Variants in KHDRBS2 observed in about 807,000 individuals in gnomAD.
KHDRBS2 encodes KH RNA binding domain containing, signal transduction associated 2.
KHDRBS2 carries 26 observed loss-of-function variants against 44.3 expected under a neutral mutation model. The ratio of observed to expected loss-of-function variants is 0.59; its 90% CI spans 0.43 to 0.81. The LOEUF is 0.81. Among genes scored for constraint, KHDRBS2 ranks in the 40% least tolerant of loss-of-function variants. KHDRBS2 has a pLI of 0.00. For missense variants in KHDRBS2, 476 were observed against 433.1 expected, an observed-to-expected ratio of 1.10 and a Z score of -0.88; for synonymous variants, 194 against 151.1, an observed-to-expected ratio of 1.28 and a Z score of -2.08.
At chr6:62,059,132 A>C (rs969262847) in intron 2 of KHDRBS2, among the ~76,000 whole-genome samples, 1 of 148,994 alleles carries the variant, frequency 6.7e-6, no homozygotes, top group African/African-American at 2.4e-5. Context: ...CCATAGAAGC[A>C]GTACAGATTA....
intron 2 of KHDRBS2, among the ~76,000 whole-genome samples, chr6:62,105,921 A>G (rs918057959): frequency 3.3e-5 from 5 of 152,292 alleles, no homozygotes; most frequent in African/African-American, 7.2e-5. Flanking sequence ...ATTTAGTGCT[A>G]TAAATTTCCC....
At chr6:62,059,203 T>TTTTTTTTG (rs1791060758) in intron 2 of KHDRBS2, among the ~76,000 whole-genome samples, 1 of 99,738 alleles carries the variant, frequency 1.0e-5, no homozygotes, top group Non-Finnish European at 2.0e-5. Flanking sequence ...AGGAAGTTTT[T>TTTTTTTTG]TTTTTTTTTT....
At chr6:61,950,559 A>G (rs1764535072) in intron 4 of KHDRBS2, among the ~76,000 whole-genome samples, 1 of 151,994 alleles carries the variant, frequency 6.6e-6, no homozygotes. Context: ...ATGAAAATGT[A>G]TATTTTCCAT....
intron 2 of KHDRBS2, among the ~76,000 whole-genome samples, chr6:62,159,328 C>T (rs1248621149): frequency 2.0e-5 from 3 of 152,108 alleles, no homozygotes; most frequent in African/African-American, 7.2e-5. Context: ...TATTCTTATA[C>T]TTTAACTCTC....
intron 8 of KHDRBS2, among the ~76,000 whole-genome samples, chr6:61,688,392 G>A (rs142124718): frequency 1.3e-4 from 19 of 151,938 alleles, no homozygotes; most frequent in South Asian, 1.2e-3. Context: ...AAAAGACTGC[G>A]GAATTCAGCT....
intron 6 of KHDRBS2, among the ~76,000 whole-genome samples, chr6:61,768,024 A>T (rs1312237749): frequency 1.3e-5 from 2 of 152,192 alleles, no homozygotes; most frequent in Non-Finnish European, 2.9e-5. Context: ...TTCAGATTGA[A>T]GAACTTCCTT....
chr6:61,732,352 A>G (rs577107281), intron 7 of KHDRBS2, among the ~76,000 whole-genome samples: 1 of 152,122 alleles, frequency 6.6e-6, no homozygotes, highest in South Asian at 2.1e-4. Flanking sequence ...GAAAAAAAAA[A>G]GCTACATTGA....
chr6:62,240,885 G>A (rs1179982539), intron 1 of KHDRBS2, among the ~76,000 whole-genome samples: 1 of 150,924 alleles, frequency 6.6e-6, no homozygotes, highest in Non-Finnish European at 1.5e-5. Flanking sequence ...CACAACTGTT[G>A]ACCTCTATCT....
the KHDRBS2 span, among the ~76,000 whole-genome samples, chr6:61,565,193 A>G: frequency 3.9e-5 from 6 of 152,140 alleles, no homozygotes; most frequent in Non-Finnish European, 7.4e-5. Flanking sequence ...CTTAAATGTA[A>G]GACCTGAAAC....
At chr6:61,821,126 C>G (rs1789841389) in intron 6 of KHDRBS2, among the ~76,000 whole-genome samples, 2 of 151,888 alleles carry the variant, frequency 1.3e-5, no homozygotes, top group South Asian at 4.1e-4. Context: ...TCTATGTTTC[C>G]TCATCAATTA....
At chr6:61,745,694 G>A (rs1776759599) in intron 6 of KHDRBS2, among the ~76,000 whole-genome samples, 1 of 152,066 alleles carries the variant, frequency 6.6e-6, no homozygotes, top group South Asian at 2.1e-4. Context: ...TGAATAAAAG[G>A]GCATAGACAT....
intron 4 of KHDRBS2, among the ~76,000 whole-genome samples, chr6:61,948,007 T>C (rs956479850): frequency 6.6e-6 from 1 of 151,130 alleles, no homozygotes; most frequent in African/African-American, 2.4e-5. Flanking sequence ...TGAAGAAAGA[T>C]AACATAAATC....
chr6:61,921,916 C>T (rs578108306), intron 4 of KHDRBS2, among the ~76,000 whole-genome samples: 18 of 152,024 alleles, frequency 1.2e-4, no homozygotes, highest in Admixed American at 5.3e-4. Context: ...TCATATTATA[C>T]GACTATCAAC....
intron 1 of KHDRBS2, among the ~76,000 whole-genome samples, chr6:62,265,320 C>A (rs1014022840): frequency 6.6e-6 from 1 of 151,944 alleles, no homozygotes; most frequent in Non-Finnish European, 1.5e-5. Context: ...GCTAAAAGAG[C>A]AGCTATGTCC....
In KHDRBS2 at chr6:61,680,747, C is replaced by G. The variant is rs191856408; in HGVS notation, c.*216G>C. 2.6e-6 allele frequency: 1 copy of G among 387,758 alleles called. No individual in the cohort carries two copies. The highest frequency in any genetic ancestry group is 4.2e-5 in the Admixed American group (1 of 23,990). The allele number at this position is 387,758 out of a possible 1,614,324, so 24.0% of individuals were successfully genotyped here. A position where few individuals can be genotyped will look rare whatever the true frequency, so the allele number is the denominator to read the frequency against. On this transcript the variant is annotated 3_prime_UTR_variant, in exon 9 of 9. Transcript: ENST00000281156. Reference sequence around the variant, plus strand: ...GTTTATAGACTATGCTTGCTAATGTCTTTTTCAGTCTGTTTTGTAAAATAA... The same window carrying G: ...GTTTATAGACTATGCTTGCTAATGTGTTTTTCAGTCTGTTTTGTAAAATAA...
intron 6 of KHDRBS2, among the ~76,000 whole-genome samples, chr6:61,883,891 A>T (rs1800549392): frequency 6.6e-6 from 1 of 152,056 alleles, no homozygotes; most frequent in South Asian, 2.1e-4. Flanking sequence ...AATGGAATAC[A>T]AATATCCAGT....
the KHDRBS2 span, among the ~76,000 whole-genome samples, chr6:61,628,455 G>C: frequency 1.8e-4 from 28 of 152,026 alleles, no homozygotes; most frequent in Non-Finnish European, 4.1e-4. Context: ...CTCCGCAGCT[G>C]CAGGGGAACC....
the KHDRBS2 span, among the ~76,000 whole-genome samples, chr6:61,598,660 C>T: frequency 2.6e-5 from 4 of 152,112 alleles, no homozygotes; most frequent in East Asian, 1.9e-4. Context: ...CTTTTATAAA[C>T]GTTTCTTTCC....
intron 1 of KHDRBS2, among the ~76,000 whole-genome samples, chr6:62,201,872 G>T (rs1174880962): frequency 6.6e-6 from 1 of 151,794 alleles, no homozygotes; most frequent in Non-Finnish European, 1.5e-5. Context: ...AGTTACGCAC[G>T]TTCGTAAGAT....
Sources: allele counts gnomAD v4.1 joint callset (sites outside exome capture counted in the v4.1 genomes callset), GRCh38; gene constraint gnomAD v4.1.1; transcripts MANE v1.5; gene names NCBI Gene and HGNC (gene_info 2026-07-23, HGNC 2026-07-21).